The following BCKDHB variants were observed in gnomAD, a reference collection of about 807,000 sequenced individuals.
The protein encoded by BCKDHB is branched chain keto acid dehydrogenase E1 subunit beta.
In BCKDHB, 41 loss-of-function variants were observed where a neutral mutation model predicts 48.5. The observed-to-expected ratio is 0.85, with a 90% CI of 0.66 to 1.10. The LOEUF is 1.10. Ranked by LOEUF, BCKDHB falls within the 50% of genes least tolerant of loss-of-function variation. The pLI, the probability that BCKDHB is intolerant of heterozygous loss-of-function variation, is 0.00. For missense variants in BCKDHB, 496 were observed against 494.2 expected (o/e 1.00, Z -0.03); for synonymous variants, 201 against 174.8 (o/e 1.15, Z -1.18).
intron 8 of BCKDHB, among the ~76,000 whole-genome samples, chr6:80,242,834 C>CT (rs141943419): frequency 0.051 from 7,819 of 152,042 alleles, 253 homozygotes; most frequent in Non-Finnish European, 0.079. Flanking sequence ...GGGCATCAGG[C>CT]TAAATAGATG....
At chr6:80,454,796 G>A in the BCKDHB span, among the ~76,000 whole-genome samples, 1 of 152,184 alleles carries the variant, frequency 6.6e-6, no homozygotes, top group Non-Finnish European at 1.5e-5. Context: ...GTCCTCCAAA[G>A]TTGACTTTTA....
At chr6:80,288,812 C>A (rs2127982211) in intron 9 of BCKDHB, among the ~76,000 whole-genome samples, 1 of 151,662 alleles carries the variant, frequency 6.6e-6, no homozygotes, top group East Asian at 1.9e-4. Flanking sequence ...AAATGCCCAG[C>A]CTTTTCAGAT....
chr6:80,348,864 T>C (rs1258061114), downstream of BCKDHB, among the ~76,000 whole-genome samples: 1 of 152,176 alleles, frequency 6.6e-6, no homozygotes, highest in African/African-American at 2.4e-5. Context: ...TATTCATATA[T>C]GGTTAAAGAT....
At chr6:80,410,631 CT>C in the BCKDHB span, among the ~76,000 whole-genome samples, 1 of 152,162 alleles carries the variant, frequency 6.6e-6, no homozygotes. Flanking sequence ...TTCTTGGAGG[CT>C]TTGTTCATTT....
the BCKDHB span, among the ~76,000 whole-genome samples, chr6:80,371,545 T>A: frequency 2.0e-5 from 3 of 152,108 alleles, no homozygotes; most frequent in Non-Finnish European, 4.4e-5. Flanking sequence ...GGGTTCTTGA[T>A]CAGGAAGTCT....
At chr6:80,324,088 ATATG>A (rs1386632020) in intron 9 of BCKDHB, among the ~76,000 whole-genome samples, 1 of 152,112 alleles carries the variant, frequency 6.6e-6, no homozygotes, top group Non-Finnish European at 1.5e-5. Context: ...TATTTTTTAT[ATATG>A]GTGACTTTCC....
chr6:80,362,705 TCATAGGTAGGGGCA>T, the BCKDHB span, among the ~76,000 whole-genome samples: 6 of 152,124 alleles, frequency 3.9e-5, no homozygotes, highest in African/African-American at 1.4e-4. Context: ...AGAAAAAAAT[TCATAGGTAGGGGCA>T]CATGAGAGAT....
chr6:80,217,119 A>G (rs1775208512), intron 8 of BCKDHB, among the ~76,000 whole-genome samples: 1 of 152,056 alleles, frequency 6.6e-6, no homozygotes, highest in South Asian at 2.1e-4. Flanking sequence ...GCTGGCACCT[A>G]TAATCCCAGC....
intron 1 of BCKDHB, among the ~76,000 whole-genome samples, chr6:80,115,946 A>G (rs1769679849): frequency 6.6e-6 from 1 of 152,132 alleles, no homozygotes; most frequent in Non-Finnish European, 1.5e-5. Flanking sequence ...ACACAGGTCT[A>G]TATCAATAAC....
the BCKDHB span, among the ~76,000 whole-genome samples, chr6:80,452,645 A>G: frequency 6.6e-6 from 1 of 152,172 alleles, no homozygotes; most frequent in East Asian, 1.9e-4. Flanking sequence ...TTAGTTCTTC[A>G]TTCAAAATTT....
the BCKDHB span, among the ~76,000 whole-genome samples, chr6:80,361,559 G>A: frequency 6.6e-6 from 1 of 152,216 alleles, no homozygotes; most frequent in Non-Finnish European, 1.5e-5. Flanking sequence ...GCCCCCTGGG[G>A]TTGGGAATGG....
chr6:80,359,973 T>G, the BCKDHB span, among the ~76,000 whole-genome samples: 1 of 152,188 alleles, frequency 6.6e-6, no homozygotes. Flanking sequence ...AGAATGTTGT[T>G]CAGTTGTCAG....
the BCKDHB span, among the ~76,000 whole-genome samples, chr6:80,360,332 A>T: frequency 6.6e-6 from 1 of 152,208 alleles, no homozygotes; most frequent in East Asian, 1.9e-4. Context: ...GACTTTTCAC[A>T]CATCATTGTC....
the BCKDHB span, among the ~76,000 whole-genome samples, chr6:80,466,113 T>C: frequency 6.6e-6 from 1 of 152,232 alleles, no homozygotes; most frequent in East Asian, 1.9e-4. Context: ...TGCTGACATC[T>C]TGTAAAATGT....
At chr6:80,189,012 G>A (rs1347225833) in intron 6 of BCKDHB, among the ~76,000 whole-genome samples, 1 of 152,124 alleles carries the variant, frequency 6.6e-6, no homozygotes, top group African/African-American at 2.4e-5. Context: ...ATTTGGGAGT[G>A]TATTTTATCA....
chr6:80,439,939 T>C, the BCKDHB span, among the ~76,000 whole-genome samples: 2 of 152,216 alleles, frequency 1.3e-5, no homozygotes, highest in African/African-American at 4.8e-5. Context: ...ACCAACAGAA[T>C]AGTATAATGC....
chr6:80,135,602 A>G (rs974420372), intron 3 of BCKDHB, among the ~76,000 whole-genome samples: 8 of 152,166 alleles, frequency 5.3e-5, no homozygotes, highest in African/African-American at 1.2e-4. Flanking sequence ...AACTAGATGA[A>G]CATGTTTAAT....
rs150651504 is a variant in BCKDHB at position 80,273,321 on chromosome 6, T to C, written c.1038+100T>C. 884 of 1,053,940 alleles carry C rather than the reference T, an allele frequency of 8.4e-4. 2 individuals are homozygous for C. The African/African-American group carries it at 0.013, about 15-fold the overall frequency. 65.3% of individuals were successfully genotyped at this position (1,053,940 alleles called of 1,614,324 possible). A position where few individuals can be genotyped will look rare whatever the true frequency, so the allele number is the denominator to read the frequency against. Reference sequence around the variant, plus strand: ...TATCACAATATGTGAAAGCATACACTTTATGGAAATGTAGTGCATGCTTTC... The same window carrying C: ...TATCACAATATGTGAAAGCATACACCTTATGGAAATGTAGTGCATGCTTTC... On this transcript the variant is annotated intron_variant, in intron 9 of 9. Transcript: ENST00000320393.
intron 3 of BCKDHB, among the ~76,000 whole-genome samples, chr6:80,164,570 C>T (rs1489010822): frequency 6.6e-6 from 1 of 152,038 alleles, no homozygotes; most frequent in African/African-American, 2.4e-5. Context: ...TGTAAACATT[C>T]ATGAGGAATG....
Sources: gnomAD v4.1 joint callset for allele counts (sites outside exome capture counted in the v4.1 genomes callset) on GRCh38, gnomAD v4.1.1 for gene constraint, MANE v1.5 for transcripts, NCBI Gene and HGNC (gene_info 2026-07-23, HGNC 2026-07-21) for gene names.